TAF2: variants seen among roughly 807,000 people sequenced by gnomAD.
TAF2 encodes the protein TATA-box binding protein associated factor 2.
A neutral mutation model predicts 138.5 loss-of-function variants in TAF2; 61 were observed. The observed-to-expected ratio is 0.44, with a 90% confidence interval of 0.36 to 0.54. The LOEUF is 0.54. Among genes scored for constraint, TAF2 ranks in the 20% least tolerant of loss-of-function variants. TAF2 has a pLI of 0.00. For missense variants in TAF2, 1,090 were observed against 1,427.9 expected (o/e 0.76, Z 3.81); for synonymous variants, 475 against 469.9 (o/e 1.01, Z -0.14).
intron 2 of TAF2, among the ~76,000 whole-genome samples, chr8:119,824,520 T>G (rs1274710747): frequency 6.6e-6 from 1 of 151,974 alleles, no homozygotes; most frequent in African/African-American, 2.4e-5. Context: ...GGGAGCTGAA[T>G]GTTAATCCCC....
At chr8:119,832,283 C>T (rs1826509795) in intron 1 of TAF2, among the ~76,000 whole-genome samples, 199 bp downstream of exon 1, 1 of 151,990 alleles carries the variant, frequency 6.6e-6, no homozygotes, top group Non-Finnish European at 1.5e-5. Context: ...ACTTTAGTAA[C>T]TTGCAACGGG....
chr8:119,812,759 G>A (rs979989736), intron 3 of TAF2, among the ~76,000 whole-genome samples: 2 of 148,332 alleles, frequency 1.3e-5, no homozygotes, highest in Non-Finnish European at 3.0e-5. Context: ...GTGTATATAT[G>A]TGTGTATATA....
intron 23 of TAF2, among the ~76,000 whole-genome samples, chr8:119,746,143 G>C (rs1410559915): frequency 1.3e-5 from 2 of 152,026 alleles, no homozygotes; most frequent in African/African-American, 4.8e-5. Context: ...AGGCCACGGT[G>C]GGTGGATCAC....
chr8:119,804,171 T>C (rs1369741374), intron 4 of TAF2, 152 bp from the exon 5 acceptor site: 4 of 839,528 alleles, frequency 4.8e-6, no homozygotes, highest in Non-Finnish European at 7.5e-6. Flanking sequence ...ACTTTTACCA[T>C]ATGTCTGCCT....
At chr8:119,764,149 AAAAAT>A (rs976617363) in intron 18 of TAF2, among the ~76,000 whole-genome samples, 2 of 152,178 alleles carry the variant, frequency 1.3e-5, no homozygotes, top group South Asian at 2.1e-4. Context: ...CCATCTCAAA[AAAAAT>A]AAAATAAAAT....
chr8:119,813,972 T>C (rs1390574595), intron 3 of TAF2, among the ~76,000 whole-genome samples: 1 of 151,766 alleles, frequency 6.6e-6, no homozygotes, highest in Non-Finnish European at 1.5e-5. Flanking sequence ...AAAAATTAAT[T>C]AATTAACCGA....
intron 22 of TAF2, among the ~76,000 whole-genome samples, chr8:119,752,639 A>G (rs1443747332): frequency 6.6e-6 from 1 of 152,198 alleles, no homozygotes; most frequent in Admixed American, 6.5e-5. Flanking sequence ...TCAGTTTTTC[A>G]AATCCTGTTT....
intron 22 of TAF2, 126 bp downstream of exon 22, chr8:119,755,880 T>C (rs1358983544): frequency 1.4e-6 from 1 of 715,892 alleles, no homozygotes; most frequent in Non-Finnish European, 2.4e-6. Context: ...TGTGATAGTC[T>C]ACTTAAAAGA....
At chr8:119,817,713 G>T (rs930517211) in intron 3 of TAF2, among the ~76,000 whole-genome samples, 3 of 152,150 alleles carry the variant, frequency 2.0e-5, no homozygotes, top group African/African-American at 7.2e-5. Flanking sequence ...TGTCTTTTGT[G>T]ACTGACAAAC....
At chr8:119,736,805 C>A (rs1403253523) in intron 25 of TAF2, among the ~76,000 whole-genome samples, 18 of 152,100 alleles carry the variant, frequency 1.2e-4, no homozygotes, top group Non-Finnish European at 2.9e-5. Context: ...AGAACACACA[C>A]CCTCTGTAAA....
In TAF2 at chr8:119,731,058, C is replaced by T. The variant is rs1818852405; in HGVS notation, c.*866G>A. The T allele has an allele frequency of 6.6e-6, 1 of 151,906 alleles. No individual in the cohort carries two copies. Among genetic ancestry groups the T allele is most frequent in the African/African-American group, 2.4e-5 (1 of 41,352 alleles). 9.4% of individuals were successfully genotyped at this position (151,906 alleles called of 1,614,324 possible). The stretch of plus-strand genomic sequence containing the variant: ...GTTAATAAACAATATATAAGCTCAC[C>T]TTTTTAAAGGTATCATACTTTGTGT... On this transcript the variant is annotated 3_prime_UTR_variant, in exon 26 of 26. Transcript: ENST00000378164.
At chr8:119,749,687 A>G (rs1050043994) in intron 22 of TAF2, among the ~76,000 whole-genome samples, 1 of 152,186 alleles carries the variant, frequency 6.6e-6, no homozygotes, top group African/African-American at 2.4e-5. Context: ...TCCCCTCATC[A>G]GGTCTAAAAT....
intron 16 of TAF2, among the ~76,000 whole-genome samples, chr8:119,782,954 G>A (rs1169287579): frequency 6.6e-6 from 1 of 151,918 alleles, no homozygotes; most frequent in Non-Finnish European, 1.5e-5. Context: ...ACCAGCCTGG[G>A]CAACATTGTG....
intron 13 of TAF2, 115 bp downstream of exon 13, chr8:119,788,675 T>A: frequency 1.2e-6 from 1 of 851,574 alleles, no homozygotes; most frequent in Non-Finnish European, 2.0e-6. Flanking sequence ...TTTTCTCAAT[T>A]TATCCACTTC....
At chr8:119,819,252 C>CA (rs542219064) in intron 3 of TAF2, 94 bp downstream of exon 3, 7,726 of 1,140,182 alleles carry the variant, frequency 6.8e-3, no homozygotes, top group Non-Finnish European at 7.6e-3. Flanking sequence ...ATTAACGATC[C>CA]AAAAAAAAAA....
intron 17 of TAF2, among the ~76,000 whole-genome samples, chr8:119,780,183 T>C (rs1027173329): frequency 3.3e-5 from 5 of 152,182 alleles, no homozygotes; most frequent in African/African-American, 1.2e-4. Flanking sequence ...CCTCTATGTA[T>C]GATATCCAAA....
At chr8:119,805,042 C>T (rs1192243921) in intron 4 of TAF2, among the ~76,000 whole-genome samples, 1 of 152,136 alleles carries the variant, frequency 6.6e-6, no homozygotes, top group African/African-American at 2.4e-5. Flanking sequence ...ACCCCGTCCC[C>T]AGCACCCACA....
intron 22 of TAF2, among the ~76,000 whole-genome samples, chr8:119,750,186 C>T (rs1820252999): frequency 6.6e-6 from 1 of 152,028 alleles, no homozygotes; most frequent in Non-Finnish European, 1.5e-5. Flanking sequence ...ACTAAAAATA[C>T]AAAAATTAGC....
At chr8:119,805,233 T>G (rs1230502086) in intron 4 of TAF2, among the ~76,000 whole-genome samples, 8 of 152,320 alleles carry the variant, frequency 5.3e-5, no homozygotes, top group African/African-American at 1.7e-4. Flanking sequence ...TAGCTTTAAC[T>G]TCACCAATAA....
Sources: gnomAD v4.1 joint callset for allele counts (sites outside exome capture counted in the v4.1 genomes callset) on GRCh38, gnomAD v4.1.1 for gene constraint, MANE v1.5 for transcripts, NCBI Gene and HGNC (gene_info 2026-07-23, HGNC 2026-07-21) for gene names.